The following TPST1 variants were observed in gnomAD, a reference collection of about 807,000 sequenced individuals.
TPST1 encodes the protein tyrosylprotein sulfotransferase 1, also known as protein-tyrosine sulfotransferase 1.
A neutral mutation model predicts 34.8 loss-of-function variants in TPST1; 20 were observed. The ratio of observed to expected loss-of-function variants is 0.57; its 90% CI spans 0.40 to 0.84. The LOEUF is 0.84. TPST1 is among the 40% of genes least tolerant of loss of function. TPST1 has a pLI of 0.00. For synonymous variants in TPST1, 152 were observed against 159.4 expected, an observed-to-expected ratio of 0.95 and a Z score of 0.35; for missense variants, 353 against 455.5, an observed-to-expected ratio of 0.78 and a Z score of 2.05.
chr7:66,200,034 T>A, the TPST1 span, among the ~76,000 whole-genome samples: 1 of 152,132 alleles, frequency 6.6e-6, no homozygotes, highest in African/African-American at 2.4e-5. Context: ...GGGGCCTGTG[T>A]CCTTCTTAAG....
chr7:66,293,389 G>C (rs1024458001), intron 3 of TPST1, among the ~76,000 whole-genome samples: 7 of 152,130 alleles, frequency 4.6e-5, no homozygotes, highest in African/African-American at 1.4e-4. Flanking sequence ...TCTAGTCCCA[G>C]CTACTTGGGA....
intron 3 of TPST1, among the ~76,000 whole-genome samples, chr7:66,322,912 A>T (rs1791786062): frequency 6.6e-6 from 1 of 151,376 alleles, no homozygotes; most frequent in African/African-American, 2.4e-5. Flanking sequence ...AACACTTGTT[A>T]TTTTTTTTAT....
intron 2 of TPST1, among the ~76,000 whole-genome samples, chr7:66,249,470 A>G (rs1319341732): frequency 6.6e-6 from 1 of 152,160 alleles, no homozygotes; most frequent in East Asian, 1.9e-4. Context: ...ACATCCTTAC[A>G]TTTCCTCATT....
chr7:66,329,711 A>G (rs1390975149), intron 3 of TPST1, among the ~76,000 whole-genome samples: 1 of 152,222 alleles, frequency 6.6e-6, no homozygotes, highest in Non-Finnish European at 1.5e-5. Context: ...AAAGATGTCC[A>G]CTTCCATTAG....
chr7:66,337,604 C>T (rs377184159), intron 3 of TPST1, among the ~76,000 whole-genome samples: 9 of 151,990 alleles, frequency 5.9e-5, no homozygotes, highest in South Asian at 2.1e-4. Flanking sequence ...CCACCATGTC[C>T]GGCCGACAAA....
intron 2 of TPST1, among the ~76,000 whole-genome samples, chr7:66,285,541 T>A (rs1195226459): frequency 6.6e-6 from 1 of 152,180 alleles, no homozygotes; most frequent in Admixed American, 6.5e-5. Context: ...GCAGATCCCC[T>A]TTAGGAGACT....
At chr7:66,272,429 G>C (rs1404720202) in intron 2 of TPST1, among the ~76,000 whole-genome samples, 1 of 152,030 alleles carries the variant, frequency 6.6e-6, no homozygotes, top group Non-Finnish European at 1.5e-5. Flanking sequence ...ATCTTTTCAT[G>C]ATAAAAACTC....
At chr7:66,209,650 T>C (rs1302758962) in intron 1 of TPST1, among the ~76,000 whole-genome samples, 3 of 152,190 alleles carry the variant, frequency 2.0e-5, no homozygotes, top group African/African-American at 7.2e-5. Flanking sequence ...ATCTCTGCAG[T>C]AAAGCATTCC....
chr7:66,203,340 C>T (rs915061566), upstream of TPST1, among the ~76,000 whole-genome samples: 7 of 151,794 alleles, frequency 4.6e-5, no homozygotes, highest in Admixed American at 2.0e-4. Context: ...CCTGGGCTCA[C>T]GGGACCCTCC....
At chr7:66,343,532 G>A (rs990829590) in intron 3 of TPST1, among the ~76,000 whole-genome samples, 13 of 152,072 alleles carry the variant, frequency 8.5e-5, no homozygotes, top group Admixed American at 5.9e-4. Context: ...TAACCTGCAC[G>A]TGTACCCCTG....
rs536140424 is a variant in TPST1, at chr7:66,353,599, C to T, written c.1095+1044C>T. ...CACGGCTGACATGCCTAGAGGAGCC[C>T]GGCATCCTGCCTCTGGGCATCACTG... On this transcript the variant is annotated intron_variant, in intron 4 of 5. Coordinates refer to ENST00000304842, the MANE Select transcript of TPST1 (RefSeq NM_003596.4). Among the ~76,000 whole-genome samples the T allele has an allele frequency of 4.6e-5, 7 of 152,350 alleles. No individual in the cohort carries two copies. The East Asian group carries it at 1.2e-3, about 25-fold the overall frequency.
chr7:66,255,754 A>C (rs771682212), intron 2 of TPST1, among the ~76,000 whole-genome samples: 1 of 152,196 alleles, frequency 6.6e-6, no homozygotes, highest in African/African-American at 2.4e-5. Flanking sequence ...AGAGTTGAAA[A>C]TTGTGGATGC....
chr7:66,232,798 G>A (rs1246159205), intron 1 of TPST1, among the ~76,000 whole-genome samples: 1 of 152,172 alleles, frequency 6.6e-6, no homozygotes, highest in African/African-American at 2.4e-5. Flanking sequence ...CTGTCAATGT[G>A]TTTTCTAAAG....
intron 3 of TPST1, among the ~76,000 whole-genome samples, chr7:66,312,928 G>C (rs1283945468): frequency 6.6e-6 from 1 of 152,028 alleles, no homozygotes; most frequent in Non-Finnish European, 1.5e-5. Context: ...ATGTGTCATT[G>C]TGGAAGACTT....
chr7:66,245,621 G>A (rs1187270473), intron 2 of TPST1, among the ~76,000 whole-genome samples: 1 of 152,186 alleles, frequency 6.6e-6, no homozygotes, highest in Non-Finnish European at 1.5e-5. Context: ...CTGAAGTTTG[G>A]TCACACAAAG....
At chr7:66,331,389 T>C in intron 3 of TPST1, among the ~76,000 whole-genome samples, 1 of 152,194 alleles carries the variant, frequency 6.6e-6, no homozygotes, top group East Asian at 1.9e-4. Context: ...CAGAATTGGC[T>C]TAATAACATT....
chr7:66,221,873 G>A lies in TPST1; in HGVS notation c.-102+16351G>A, dbSNP rs575739483. On this transcript the variant is annotated intron_variant, in intron 1 of 5. Coordinates refer to ENST00000304842, the MANE Select transcript of TPST1 (RefSeq NM_003596.4). Reference sequence around the variant, plus strand: ...GTTTTTCCTCTCTGCTATGAATTTTGTAATTATTTTATTGATTGCAGAATA... The same window carrying A: ...GTTTTTCCTCTCTGCTATGAATTTTATAATTATTTTATTGATTGCAGAATA... Among the ~76,000 whole-genome samples, 6 of 152,150 alleles carry A rather than the reference G, an allele frequency of 3.9e-5. No homozygotes were observed. In the East Asian group the frequency reaches 1.2e-3, roughly 29 times the overall value.
intron 5 of TPST1, 56 bp downstream of exon 5, chr7:66,356,927 G>C (rs368381191): frequency 6.3e-7 from 1 of 1,587,332 alleles, no homozygotes; most frequent in Non-Finnish European, 8.6e-7. Context: ...GCTCTTGCAG[G>C]GGGCTGGGTG....
intron 3 of TPST1, among the ~76,000 whole-genome samples, chr7:66,348,983 A>G (rs1186611534): frequency 1.3e-5 from 2 of 151,914 alleles, no homozygotes; most frequent in Non-Finnish European, 2.9e-5. Flanking sequence ...TGTCAGTACT[A>G]GGAAGGTACT....
Sources: gnomAD v4.1 joint callset for allele counts (sites outside exome capture counted in the v4.1 genomes callset) on GRCh38, gnomAD v4.1.1 for gene constraint, MANE v1.5 for transcripts, NCBI Gene and HGNC (gene_info 2026-07-23, HGNC 2026-07-21) for gene names.